Variants in B3GNT5 observed in about 807,000 individuals in gnomAD.
B3GNT5 encodes UDP-GlcNAc:betaGal beta-1,3-N-acetylglucosaminyltransferase 5.
A neutral mutation model predicts 25.9 loss-of-function variants in B3GNT5; 11 were observed. The ratio of observed to expected loss-of-function variants is 0.42; its 90% CI spans 0.27 to 0.70. The LOEUF (loss-of-function observed/expected upper bound fraction) is 0.70, where lower values mean the gene tolerates loss of function less well. Among genes scored for constraint, B3GNT5 ranks in the 30% least tolerant of loss-of-function variants. The pLI, the probability that B3GNT5 is intolerant of heterozygous loss-of-function variation, is 0.23. For synonymous variants in B3GNT5, 166 were observed against 158.6 expected (o/e 1.05, Z -0.35); for missense variants, 385 against 458.4 (o/e 0.84, Z 1.46).
chr3:183,268,855 A>G (rs564978741), intron 1 of B3GNT5, among the ~76,000 whole-genome samples: 1 of 152,266 alleles, frequency 6.6e-6, no homozygotes, highest in Non-Finnish European at 1.5e-5. Context: ...GTTGCTTCCC[A>G]GTTTAGAACA....
chr3:183,257,766 T>C (rs1725177938), intron 1 of B3GNT5, among the ~76,000 whole-genome samples: 2 of 146,480 alleles, frequency 1.4e-5, no homozygotes, highest in Admixed American at 6.6e-5. Flanking sequence ...TGGTTTTTCT[T>C]ATTATTATTC....
chr3:183,258,116 C>T (rs546331070), intron 1 of B3GNT5, among the ~76,000 whole-genome samples: 72 of 151,972 alleles, frequency 4.7e-4, no homozygotes, highest in East Asian at 9.7e-4. Flanking sequence ...TACAGGCATG[C>T]TCCACCACAC....
At chr3:183,264,762 G>A (rs1354143982) in intron 1 of B3GNT5, among the ~76,000 whole-genome samples, 1 of 152,180 alleles carries the variant, frequency 6.6e-6, no homozygotes, top group Non-Finnish European at 1.5e-5. Context: ...GATTATTGCA[G>A]GGAAACTTGT....
Position 183,272,406 on chromosome 3 carries a change from A to C in B3GNT5, c.*1471A>C, listed in dbSNP as rs1726854257. On this transcript the variant is annotated 3_prime_UTR_variant, in exon 2 of 2. Coordinates refer to ENST00000326505, the MANE Select transcript of B3GNT5 (RefSeq NM_032047.5). The stretch of plus-strand genomic sequence containing the variant: ...GGGAAAATCAGATGTCTCATATAAT[A>C]AGGTGATGTCGGAAACACGCAAAAC... The C allele has an allele frequency of 1.0e-6, 1 of 1,000,172 alleles. No individual in the cohort carries two copies. The highest frequency in any genetic ancestry group is 1.2e-6 in the Non-Finnish European group (1 of 830,004). 62.0% of individuals were successfully genotyped at this position (1,000,172 alleles called of 1,614,324 possible). A position where few individuals can be genotyped will look rare whatever the true frequency, so the allele number is the denominator to read the frequency against.
At position 183,270,076 on chromosome 3, in the gene B3GNT5, T is replaced by C; in HGVS notation, c.278T>C (p.Phe93Ser). ...CQAQDVLLLLFVKTAPENYDR... is the reference protein window; with the variant it reads ...CQAQDVLLLLSVKTAPENYDR... ...GCTCAAGACGTCCTCCTTTTACTGT[T>C]TGTAAAAACTGCTCCTGAAAACTAT... Residue 93 changes from phenylalanine (F) to serine (S), a missense_variant, in exon 2 of 2, where the codon TTT (phenylalanine) becomes TCT (serine). By Grantham distance (155) the Phe-to-Ser change is radical (BLOSUM62 -2). Transcript: ENST00000326505. The surrounding 1 kb of genome is among the most constrained non-coding windows in gnomAD (Gnocchi z 4.5). 1 of 1,614,154 alleles carries C rather than the reference T, an allele frequency of 6.2e-7. No homozygotes were observed. Among genetic ancestry groups the C allele is most frequent in the Non-Finnish European group, 8.5e-7 (1 of 1,180,038 alleles).
Position 183,270,208 on chromosome 3 carries a change from T to C in B3GNT5, c.410T>C (p.Leu137Pro). 1 of 1,614,190 alleles carries C rather than the reference T, an allele frequency of 6.2e-7. No individual in the cohort carries two copies. The highest frequency in any genetic ancestry group is 8.5e-7 in the Non-Finnish European group (1 of 1,180,014). ...TLFALGTPNP[L>P]EGEELQRKLA... ...TTTGCCTTAGGAACTCCTAATCCAC[T>C]GGAGGGAGAAGAACTACAAAGAAAA... Residue 137 changes from leucine (L) to proline (P), a missense_variant, in exon 2 of 2, where the codon CTG (leucine) becomes CCG (proline). Leu to Pro is a moderately conservative substitution (Grantham distance 98, BLOSUM62 -3). Transcript: ENST00000326505. The surrounding 1 kb of genome is among the most constrained non-coding windows in gnomAD (Gnocchi z 4.5).
chr3:183,270,789 G>C lies in B3GNT5; in HGVS notation c.991G>C (p.Asp331His), dbSNP rs1726699128. 6.2e-7 allele frequency: 1 copy of C among 1,614,006 alleles called. No individual in the cohort carries two copies. The highest frequency in any genetic ancestry group is 8.5e-7 in the Non-Finnish European group (1 of 1,179,994). ...TSHGHLEDLQ[D>H]LWKNATDPKV... Reference sequence around the variant, plus strand: ...TCATGGACACTTAGAAGATCTCCAGGACCTTTGGAAGAATGCTACAGATCC... The same window carrying C: ...TCATGGACACTTAGAAGATCTCCAGCACCTTTGGAAGAATGCTACAGATCC... The change falls in exon 2 of 2, where the codon GAC (aspartate) becomes CAC (histidine). Residue 331 changes from aspartate to histidine, a missense_variant. By Grantham distance (81) the Asp-to-His change is moderately conservative. Transcript: ENST00000326505. This position sits in a 1 kb window ranked among gnomAD's most constrained non-coding sequence, Gnocchi z 4.5.
chr3:183,261,584 A>G lies in B3GNT5; in HGVS notation c.-301-7914A>G, dbSNP rs539045658. Among the ~76,000 whole-genome samples the G allele has an allele frequency of 2.3e-3, 352 of 152,302 alleles. 2 individuals are homozygous for G. Among genetic ancestry groups the G allele is most frequent in the South Asian group, 0.014 (70 of 4,828 alleles). ...TAAGCATATCACTTTTAAAGGGATC[A>G]TTATATTTTCATGATGCATGGGGAT... On this transcript the variant is annotated intron_variant, in intron 1 of 1. Coordinates refer to ENST00000326505, the MANE Select transcript of B3GNT5 (RefSeq NM_032047.5).
At chr3:183,254,301 G>T (rs1275721276) in intron 1 of B3GNT5, 1 of 151,824 alleles carries the variant, frequency 6.6e-6, no homozygotes, top group Admixed American at 6.6e-5. Context: ...CCGCCGCCCT[G>T]GCCCGGACCG....
intron 1 of B3GNT5, chr3:183,265,395 C>T (rs1726001312): frequency 6.6e-6 from 1 of 152,390 alleles, no homozygotes; most frequent in Non-Finnish European, 1.5e-5. Flanking sequence ...TTTTCTTCTA[C>T]CAGATCGGCA....
chr3:183,256,268 T>TG (rs990035502), intron 1 of B3GNT5, among the ~76,000 whole-genome samples: 1 of 152,228 alleles, frequency 6.6e-6, no homozygotes, highest in African/African-American at 2.4e-5. Flanking sequence ...ACAAGAGCTC[T>TG]GCCCTTTGAT....
intron 1 of B3GNT5, among the ~76,000 whole-genome samples, chr3:183,257,941 G>T (rs1725197929): frequency 7.8e-6 from 1 of 128,102 alleles, no homozygotes; most frequent in African/African-American, 3.1e-5. Context: ...CTTATTCCTT[G>T]CTCCCTCCAC....
At chr3:183,263,655 C>G (rs1447241543) in intron 1 of B3GNT5, among the ~76,000 whole-genome samples, 1 of 152,158 alleles carries the variant, frequency 6.6e-6, no homozygotes, top group African/African-American at 2.4e-5. Flanking sequence ...CTGGATCTCT[C>G]CAGTCCTGTC....
chr3:183,270,701 G>GT lies in B3GNT5; in HGVS notation c.910dup (p.Ser304PhefsTer5). ...TAGGGATAGTACCGCAGGACCATGT[G>GT]TTTTTTTCTGGAGAGGGTAAAACTC... is the stretch of plus-strand genomic sequence containing the variant. On this transcript the variant is annotated frameshift_variant, in exon 2 of 2. Transcript: ENST00000326505. LOFTEE classifies it high-confidence loss of function. The surrounding 1 kb of genome is among the most constrained non-coding windows in gnomAD (Gnocchi z 4.5). The GT allele has an allele frequency of 1.2e-6, 2 of 1,613,766 alleles. No homozygotes were observed. Among genetic ancestry groups the GT allele is most frequent in the Non-Finnish European group, 8.5e-7 (1 of 1,179,888 alleles).
intron 1 of B3GNT5, among the ~76,000 whole-genome samples, chr3:183,263,486 C>T (rs1332384062): frequency 6.6e-6 from 1 of 152,104 alleles, no homozygotes; most frequent in Admixed American, 6.5e-5. Flanking sequence ...ATTTGTTAAC[C>T]CCATCTTAAT....
rs1161136236 is a variant in B3GNT5, at chr3:183,270,146, T to C, written c.348T>C (p.Tyr116=). 45 of 1,614,050 alleles carry C rather than the reference T, an allele frequency of 2.8e-5. No individual in the cohort carries two copies. Among genetic ancestry groups the C allele is most frequent in the Non-Finnish European group, 3.5e-5 (41 of 1,180,032 alleles). ...GIRRTWGNEN[Y]VRSQLNANIK... ...GAAGGACGTGGGGCAATGAAAATTA[T>C]GTTCGGTCTCAGCTGAATGCCAACA... Residue 116 remains tyrosine (Y), a synonymous_variant, in exon 2 of 2, where the codon TAT becomes TAC. Coordinates refer to ENST00000326505, the MANE Select transcript of B3GNT5 (RefSeq NM_032047.5). The surrounding 1 kb of genome is among the most constrained non-coding windows in gnomAD (Gnocchi z 4.5).
At chr3:183,258,965 G>A (rs1464356672) in intron 1 of B3GNT5, among the ~76,000 whole-genome samples, 3 of 152,048 alleles carry the variant, frequency 2.0e-5, no homozygotes, top group Non-Finnish European at 2.9e-5. Context: ...ATTGTTACAC[G>A]GTATTGTTTA....
chr3:183,255,443 T>C (rs1398456464), intron 1 of B3GNT5, among the ~76,000 whole-genome samples: 1 of 152,244 alleles, frequency 6.6e-6, no homozygotes, highest in East Asian at 1.9e-4. Context: ...GTACTTAACC[T>C]GCTTGTCCTT....
chr3:183,269,894 G>A lies in B3GNT5; in HGVS notation c.96G>A (p.Trp32Ter). The A allele has an allele frequency of 6.2e-7, 1 of 1,613,056 alleles. No individual in the cohort carries two copies. The highest frequency in any genetic ancestry group is 8.5e-7 in the Non-Finnish European group (1 of 1,179,738). Reference protein sequence around the residue: ...TCFLASLMFFWEPIDNHIVSH... With the variant: ...TCFLASLMFF Reference sequence around the variant, plus strand: ...TTTTAGCGAGCCTCATGTTTTTTTGGGAACCAATCGATAATCACATTGTGA... The same window carrying A: ...TTTTAGCGAGCCTCATGTTTTTTTGAGAACCAATCGATAATCACATTGTGA... Residue 32 changes from tryptophan to a stop codon, truncating the protein, a stop_gained, in exon 2 of 2, where the codon TGG (tryptophan) becomes TGA (stop). Coordinates refer to ENST00000326505, the MANE Select transcript of B3GNT5 (RefSeq NM_032047.5). LOFTEE classifies it high-confidence loss of function.
Sources: allele counts gnomAD v4.1 joint callset (sites outside exome capture counted in the v4.1 genomes callset), GRCh38; gene constraint gnomAD v4.1.1; non-coding constraint Gnocchi (gnomAD v3.1); transcripts MANE v1.5; gene names NCBI Gene and HGNC (gene_info 2026-07-23, HGNC 2026-07-21).